PDCD10: variants seen among roughly 807,000 people sequenced by gnomAD.
PDCD10 encodes programmed cell death protein 10.
In PDCD10, 4 loss-of-function variants were observed where a neutral mutation model predicts 29.2. The observed-to-expected ratio is 0.14, with a 90% confidence interval of 0.07 to 0.31. The LOEUF (loss-of-function observed/expected upper bound fraction) is 0.31, where lower values mean the gene tolerates loss of function less well. Ranked by LOEUF, PDCD10 falls within the 10% of genes least tolerant of loss-of-function variation. The pLI, the probability that PDCD10 is intolerant of heterozygous loss-of-function variation, is 1.00. For missense variants in PDCD10, 183 were observed against 257.9 expected (o/e 0.71, Z 1.99); for synonymous variants, 70 against 82.2 (o/e 0.85, Z 0.80).
At chr3:167,685,766 T>C (rs2108368572) in intron 8 of PDCD10, among the ~76,000 whole-genome samples, 1 of 152,308 alleles carries the variant, frequency 6.6e-6, no homozygotes, top group Non-Finnish European at 1.5e-5. Context: ...GTGTTTTTGG[T>C]TATTTGAGCT....
At chr3:167,699,121 C>A (rs1048027245) in intron 4 of PDCD10, among the ~76,000 whole-genome samples, 20 of 152,130 alleles carry the variant, frequency 1.3e-4, no homozygotes, top group Non-Finnish European at 2.5e-4. Context: ...GATGTGTGTG[C>A]CTACTGGGCA....
At chr3:167,726,979 T>C (rs1166781916) in intron 2 of PDCD10, among the ~76,000 whole-genome samples, 1 of 152,228 alleles carries the variant, frequency 6.6e-6, no homozygotes, top group Non-Finnish European at 1.5e-5. Flanking sequence ...GATGCATAAA[T>C]ACACTTAGTT....
intron 3 of PDCD10, among the ~76,000 whole-genome samples, chr3:167,714,800 G>T (rs1164735679): frequency 2.6e-5 from 4 of 151,654 alleles, no homozygotes; most frequent in Non-Finnish European, 5.9e-5. Context: ...ACACAAAAAA[G>T]GGAAAGATAT....
At chr3:167,729,874 A>G (rs796747002) in intron 2 of PDCD10, among the ~76,000 whole-genome samples, 29 of 152,278 alleles carry the variant, frequency 1.9e-4, no homozygotes, top group African/African-American at 6.5e-4. Flanking sequence ...CTGTTACCCA[A>G]TAGTTCATAA....
At chr3:167,708,602 TA>T (rs1182378626) in intron 3 of PDCD10, among the ~76,000 whole-genome samples, 1 of 152,114 alleles carries the variant, frequency 6.6e-6, no homozygotes, top group East Asian at 1.9e-4. Context: ...GTGAGCCAGG[TA>T]AAAGTAAACA....
chr3:167,685,127 A>G (rs1719454196), intron 8 of PDCD10, among the ~76,000 whole-genome samples: 1 of 151,978 alleles, frequency 6.6e-6, no homozygotes, highest in Non-Finnish European at 1.5e-5. Context: ...GAGAAGGCCC[A>G]GGGACTGGAC....
rs893530050 is a variant in PDCD10 at position 167,691,079 on chromosome 3, T to G, written c.396-3386A>C. Among the ~76,000 whole-genome samples the G allele has an allele frequency of 5.3e-5, 8 of 152,318 alleles. No homozygotes were observed. In the East Asian group the frequency reaches 1.5e-3, roughly 29 times the overall value. ...AAATGAATAAAGGGGATAACTACCT[T>G]AGATATAAGAAAGTAAAATATTGGA... On this transcript the variant is annotated intron_variant, in intron 6 of 8. Coordinates refer to ENST00000392750, the MANE Select transcript of PDCD10 (RefSeq NM_007217.4).
chr3:167,703,220 T>G (rs563252431), intron 4 of PDCD10, among the ~76,000 whole-genome samples: 2 of 152,068 alleles, frequency 1.3e-5, no homozygotes, highest in African/African-American at 4.8e-5. Flanking sequence ...CATGTCTCCC[T>G]AATGACCAAA....
intron 8 of PDCD10, among the ~76,000 whole-genome samples, chr3:167,684,952 A>T (rs1206364482): frequency 6.7e-6 from 1 of 150,246 alleles, no homozygotes; most frequent in Non-Finnish European, 1.5e-5. Context: ...GACAACATAT[A>T]AAAATATATT....
At chr3:167,712,108 C>A (rs1722580858) in intron 3 of PDCD10, among the ~76,000 whole-genome samples, 1 of 152,060 alleles carries the variant, frequency 6.6e-6, no homozygotes, top group African/African-American at 2.4e-5. Context: ...CAGAAACACA[C>A]AGAATATTAT....
chr3:167,714,127 A>C (rs1722780226), intron 3 of PDCD10, among the ~76,000 whole-genome samples: 1 of 151,574 alleles, frequency 6.6e-6, no homozygotes, highest in Non-Finnish European at 1.5e-5. Context: ...ATCTCTGATA[A>C]ATAAATCCTC....
chr3:167,691,982 GATTGTT>G (rs1460744498), intron 6 of PDCD10, among the ~76,000 whole-genome samples: 1 of 152,204 alleles, frequency 6.6e-6, no homozygotes, highest in Non-Finnish European at 1.5e-5. Flanking sequence ...CTATATAAAT[GATTGTT>G]ATTAAGATGA....
chr3:167,713,007 G>A (rs1388289069), intron 3 of PDCD10, among the ~76,000 whole-genome samples: 4 of 151,982 alleles, frequency 2.6e-5, no homozygotes, highest in African/African-American at 7.2e-5. Context: ...AATAATAGCT[G>A]GAGACTTCAC....
At chr3:167,695,922 T>A (rs1293693339) in intron 5 of PDCD10, among the ~76,000 whole-genome samples, 200 bp from the exon 6 acceptor site, 1 of 148,308 alleles carries the variant, frequency 6.7e-6, no homozygotes, top group Non-Finnish European at 1.5e-5. Context: ...AAGTAAAGTA[T>A]CACAAAAAGA....
At chr3:167,718,790 CA>C (rs1170143963) in intron 3 of PDCD10, among the ~76,000 whole-genome samples, 1 of 151,510 alleles carries the variant, frequency 6.6e-6, no homozygotes, top group Non-Finnish European at 1.5e-5. Context: ...GGAAGCCAAA[CA>C]CTAGGATGAC....
chr3:167,714,097 A>C (rs1435067046), intron 3 of PDCD10, among the ~76,000 whole-genome samples: 1 of 152,040 alleles, frequency 6.6e-6, no homozygotes, highest in East Asian at 1.9e-4. Context: ...GACACATCAA[A>C]AAAGGAAAAC....
chr3:167,716,463 A>G (rs947916539), intron 3 of PDCD10, among the ~76,000 whole-genome samples: 27 of 151,994 alleles, frequency 1.8e-4, no homozygotes, highest in Admixed American at 4.6e-4. Flanking sequence ...TGGATAACCC[A>G]TTCACCATGA....
In PDCD10 at chr3:167,720,078, T is replaced by C. The variant is rs946770523; in HGVS notation, c.80A>G (p.Tyr27Cys). 3 of 1,604,560 alleles carry C rather than the reference T, an allele frequency of 1.9e-6. No homozygotes were observed. The Admixed American group carries it at 5.0e-5, about 27-fold the overall frequency. ...CCAACTCACCTCATTAAACACAGGA[T>C]ACATGACTGCATAGAGGGGCATAGA... ...MVSMPLYAVM[Y>C]PVFNELERVN... Residue 27 changes from tyrosine (Y) to cysteine (C), a missense_variant, in exon 3 of 9, where the codon TAT becomes TGT. Tyr to Cys is a radical substitution (Grantham distance 194). Transcript: ENST00000392750.
Position 167,722,429 on chromosome 3 carries a change from G to T in PDCD10, c.-116-2156C>A, listed in dbSNP as rs546314143. On this transcript the variant is annotated intron_variant, in intron 2 of 8. Coordinates refer to ENST00000392750, the MANE Select transcript of PDCD10 (RefSeq NM_007217.4). ...AAGTCAGGCTGCTATATCGCTACAGGAGAACTGGAGAAAACCAGCATCACG... is the reference window on the plus strand; with the variant it reads ...AAGTCAGGCTGCTATATCGCTACAGTAGAACTGGAGAAAACCAGCATCACG... Among the ~76,000 whole-genome samples the T allele has an allele frequency of 3.3e-5, 5 of 152,110 alleles. No individual in the cohort carries two copies. The Middle Eastern group carries it at 0.014, about 414-fold the overall frequency.
Sources: allele counts gnomAD v4.1 joint callset (sites outside exome capture counted in the v4.1 genomes callset), GRCh38; gene constraint gnomAD v4.1.1; transcripts MANE v1.5; gene names NCBI Gene and HGNC (gene_info 2026-07-23, HGNC 2026-07-21).